Variants in PRKD1 observed in about 807,000 individuals in gnomAD.
PRKD1 encodes the protein protein kinase D1, also known as serine/threonine-protein kinase D1.
PRKD1 carries 63 observed loss-of-function variants against 95.9 expected under a neutral mutation model. The ratio of observed to expected loss-of-function variants is 0.66; its 90% CI spans 0.54 to 0.81. The LOEUF is 0.81. Ranked by LOEUF, PRKD1 falls within the 30% of genes least tolerant of loss-of-function variation. The pLI is 0.00. For missense variants in PRKD1, 1,048 were observed against 1,165.3 expected (o/e 0.90, Z 1.47); for synonymous variants, 425 against 423.1 (o/e 1.00, Z -0.05).
chr14:29,796,266 A>G (rs896817303), intron 1 of PRKD1, among the ~76,000 whole-genome samples: 2 of 152,112 alleles, frequency 1.3e-5, no homozygotes, highest in Non-Finnish European at 2.9e-5. Context: ...TATTTTGTCT[A>G]TCTTAAGTTA....
chr14:29,669,737 A>G (rs1309287235), intron 2 of PRKD1, among the ~76,000 whole-genome samples: 1 of 152,062 alleles, frequency 6.6e-6, no homozygotes, highest in East Asian at 1.9e-4. Context: ...GCATGGTGGC[A>G]TGCACCTGTA....
intron 13 of PRKD1, among the ~76,000 whole-genome samples, chr14:29,607,626 C>T (rs1445157257): frequency 6.6e-6 from 1 of 152,198 alleles, no homozygotes; most frequent in Non-Finnish European, 1.5e-5. Flanking sequence ...TAACCAGCTA[C>T]TGCGTGTGGA....
chr14:29,804,896 G>A (rs1488600701), intron 1 of PRKD1, among the ~76,000 whole-genome samples: 1 of 152,030 alleles, frequency 6.6e-6, no homozygotes, highest in Non-Finnish European at 1.5e-5. Context: ...CCAAGAGAAT[G>A]CCAACATAGG....
At chr14:29,754,868 G>A (rs1288949009) in intron 1 of PRKD1, among the ~76,000 whole-genome samples, 1 of 151,984 alleles carries the variant, frequency 6.6e-6, no homozygotes, top group Non-Finnish European at 1.5e-5. Flanking sequence ...TTGAGATCAA[G>A]GTTCATTTAG....
chr14:29,923,227 C>CAAAA (rs33966435), intron 1 of PRKD1, among the ~76,000 whole-genome samples: 1 of 88,788 alleles, frequency 1.1e-5, no homozygotes, highest in Non-Finnish European at 2.8e-5. Flanking sequence ...GAGATTCTGT[C>CAAAA]AAAAAAAAAA....
chr14:29,805,823 G>T (rs1890208754), intron 1 of PRKD1, among the ~76,000 whole-genome samples: 1 of 152,218 alleles, frequency 6.6e-6, no homozygotes, highest in Non-Finnish European at 1.5e-5. Flanking sequence ...TCAACAGAAA[G>T]TGTGAGTCAT....
chr14:29,712,164 G>A (rs1440411331), intron 2 of PRKD1, among the ~76,000 whole-genome samples: 1 of 152,110 alleles, frequency 6.6e-6, no homozygotes, highest in Non-Finnish European at 1.5e-5. Context: ...TGATTGCAGA[G>A]AGCACAGTGA....
intron 1 of PRKD1, among the ~76,000 whole-genome samples, chr14:29,799,709 C>T (rs922413382): frequency 3.3e-5 from 5 of 152,014 alleles, no homozygotes; most frequent in African/African-American, 1.2e-4. Context: ...TTGCCAATTC[C>T]TCATTTGCAA....
chr14:29,641,084 A>T (rs1347549303), intron 4 of PRKD1, among the ~76,000 whole-genome samples: 1 of 152,242 alleles, frequency 6.6e-6, no homozygotes, highest in African/African-American at 2.4e-5. Flanking sequence ...AAATTTAAAA[A>T]TATTCCAAGT....
At chr14:29,803,042 G>T (rs757175969) in intron 1 of PRKD1, among the ~76,000 whole-genome samples, 12 of 152,180 alleles carry the variant, frequency 7.9e-5, no homozygotes, top group African/African-American at 2.4e-4. Flanking sequence ...CATGAGACAG[G>T]CCAGGTCAAA....
chr14:29,921,793 C>T (rs1895119611), intron 1 of PRKD1, among the ~76,000 whole-genome samples: 1 of 152,044 alleles, frequency 6.6e-6, no homozygotes, highest in East Asian at 1.9e-4. Flanking sequence ...TTCCAGTAAC[C>T]CCCACCACCA....
intron 1 of PRKD1, among the ~76,000 whole-genome samples, chr14:29,793,559 T>G (rs1005087239): frequency 6.6e-6 from 1 of 152,136 alleles, no homozygotes; most frequent in Non-Finnish European, 1.5e-5. Flanking sequence ...TTGCACAATT[T>G]GGTTTCTTAC....
At chr14:29,661,726 A>G (rs1224232486) in intron 4 of PRKD1, among the ~76,000 whole-genome samples, 1 of 152,128 alleles carries the variant, frequency 6.6e-6, no homozygotes, top group Admixed American at 6.6e-5. Flanking sequence ...TTCCAAATGC[A>G]TTTCTCATTT....
chr14:29,827,433 G>A (rs757516782), intron 1 of PRKD1, among the ~76,000 whole-genome samples: 6 of 152,086 alleles, frequency 3.9e-5, no homozygotes, highest in African/African-American at 7.2e-5. Context: ...TGAGTCCAGA[G>A]ACCATGACCC....
chr14:29,687,591 C>G (rs756284616), intron 2 of PRKD1, among the ~76,000 whole-genome samples: 1 of 152,154 alleles, frequency 6.6e-6, no homozygotes, highest in African/African-American at 2.4e-5. Flanking sequence ...ACTTACTTGG[C>G]GTGGAGAAGT....
chr14:29,852,592 T>A (rs934069627), intron 1 of PRKD1, among the ~76,000 whole-genome samples: 1 of 151,832 alleles, frequency 6.6e-6, no homozygotes, highest in African/African-American at 2.4e-5. Flanking sequence ...AAATAATGGA[T>A]GAAAACTTCC....
At chr14:29,591,479 TC>T in intron 16 of PRKD1, among the ~76,000 whole-genome samples, 1 of 152,104 alleles carries the variant, frequency 6.6e-6, no homozygotes, top group Admixed American at 6.6e-5. Flanking sequence ...GAAAGGGCAG[TC>T]CATGGACCAT....
intron 1 of PRKD1, among the ~76,000 whole-genome samples, chr14:29,855,655 G>A (rs1313458562): frequency 6.6e-6 from 1 of 152,172 alleles, no homozygotes; most frequent in Non-Finnish European, 1.5e-5. Context: ...ATATGGTTGG[G>A]CTCAGAGTTC....
intron 2 of PRKD1, among the ~76,000 whole-genome samples, chr14:29,713,517 T>A (rs1424651058): frequency 2.0e-5 from 3 of 152,196 alleles, no homozygotes; most frequent in South Asian, 4.1e-4. Context: ...CTTAACTGAA[T>A]GTTGTCTTTT....
Sources: gnomAD v4.1 joint callset for allele counts (sites outside exome capture counted in the v4.1 genomes callset) on GRCh38, gnomAD v4.1.1 for gene constraint, MANE v1.5 for transcripts, NCBI Gene and HGNC (gene_info 2026-07-23, HGNC 2026-07-21) for gene names.